EDEM2: variants seen among roughly 807,000 people sequenced by gnomAD.
The protein encoded by EDEM2 is ER degradation-enhancing alpha-mannosidase-like protein 2.
EDEM2 carries 39 observed loss-of-function variants against 64.8 expected under a neutral mutation model. That is an observed-to-expected ratio of 0.60 (90% CI 0.47 to 0.79). EDEM2 has a LOEUF of 0.79. Among genes scored for constraint, EDEM2 ranks in the 30% least tolerant of loss-of-function variants. The pLI is 0.00. For synonymous variants in EDEM2, 296 were observed against 291.5 expected, an observed-to-expected ratio of 1.02 and a Z score of -0.16; for missense variants, 609 against 731.3, an observed-to-expected ratio of 0.83 and a Z score of 1.93.
chr20:35,136,754 GAAAAAAA>G, intron 5 of EDEM2, among the ~76,000 whole-genome samples: 1 of 102,224 alleles, frequency 9.8e-6, no homozygotes, highest in South Asian at 3.4e-4. Context: ...GACCCTGTCT[GAAAAAAA>G]AAAAAAAAAA....
intron 8 of EDEM2, among the ~76,000 whole-genome samples, chr20:35,125,895 C>T (rs1035189552): frequency 1.8e-4 from 27 of 152,286 alleles, no homozygotes; most frequent in East Asian, 1.2e-3. Flanking sequence ...GATGGCACAG[C>T]GGCACAAGCT....
chr20:35,140,009 C>T (rs865800087), intron 4 of EDEM2, among the ~76,000 whole-genome samples: 1 of 152,074 alleles, frequency 6.6e-6, no homozygotes, highest in South Asian at 2.1e-4. Flanking sequence ...TAACCATCAA[C>T]CTAGAACCAT....
intron 5 of EDEM2, among the ~76,000 whole-genome samples, chr20:35,135,610 C>G (rs891248159): frequency 2.0e-5 from 3 of 152,196 alleles, no homozygotes; most frequent in Non-Finnish European, 1.5e-5. Flanking sequence ...GAGATTGCAC[C>G]ACTGCACTCC....
intron 6 of EDEM2, among the ~76,000 whole-genome samples, chr20:35,134,530 G>A (rs1716894920): frequency 6.6e-6 from 1 of 152,208 alleles, no homozygotes; most frequent in South Asian, 2.1e-4. Context: ...AGCCCCTGCT[G>A]CCTGCCAGAA....
intron 9 of EDEM2, 146 bp from the exon 10 acceptor site, chr20:35,118,865 G>C: frequency 5.9e-6 from 7 of 1,196,236 alleles, no homozygotes; most frequent in Non-Finnish European, 8.0e-6. Flanking sequence ...ACCCAGTGCT[G>C]AGTTTCAGAG....
At chr20:35,147,101 C>G (rs770383086) in intron 1 of EDEM2, 51 bp downstream of exon 1, 2 of 1,574,222 alleles carry the variant, frequency 1.3e-6, no homozygotes, top group African/African-American at 2.7e-5. Flanking sequence ...GGGAAAGGAC[C>G]GGGTTCACGC....
At chr20:35,130,097 C>T (rs1206824928) in intron 7 of EDEM2, among the ~76,000 whole-genome samples, 5 of 152,106 alleles carry the variant, frequency 3.3e-5, no homozygotes, top group African/African-American at 7.2e-5. Flanking sequence ...GAGACAGGGT[C>T]TTACTCTGTC....
chr20:35,120,708 C>T (rs1011820036), intron 9 of EDEM2, among the ~76,000 whole-genome samples: 1 of 151,206 alleles, frequency 6.6e-6, no homozygotes, highest in Non-Finnish European at 1.5e-5. Flanking sequence ...AGCAATTCTC[C>T]TGTCTCAGCC....
chr20:35,139,446 C>T (rs1436511216), intron 4 of EDEM2, among the ~76,000 whole-genome samples: 2 of 150,018 alleles, frequency 1.3e-5, no homozygotes, highest in African/African-American at 4.9e-5. Context: ...CTCAGGAGTT[C>T]GTGACCAGCC....
intron 9 of EDEM2, among the ~76,000 whole-genome samples, chr20:35,119,048 C>T (rs562327384): frequency 3.5e-4 from 53 of 149,720 alleles, no homozygotes; most frequent in African/African-American, 1.2e-3. Context: ...GGATTCCTAA[C>T]TTTAGCTAAG....
intron 10 of EDEM2, among the ~76,000 whole-genome samples, chr20:35,116,852 T>C (rs1009194475): frequency 6.6e-6 from 1 of 151,948 alleles, no homozygotes; most frequent in African/African-American, 2.4e-5. Flanking sequence ...TGCAATGGCA[T>C]GGTCTCGGCT....
At chr20:35,139,349 CA>C (rs57683623) in intron 4 of EDEM2, among the ~76,000 whole-genome samples, 12,072 of 89,228 alleles carry the variant, frequency 0.14, 552 homozygotes, top group South Asian at 0.18. Flanking sequence ...GACTCCGTCT[CA>C]AAAAAAAAAA....
Position 35,134,890 on chromosome 20 carries a change from G to T in EDEM2, c.550C>A (p.Pro184Thr), listed in dbSNP as rs775586607. 1.2e-5 allele frequency: 20 copies of T among 1,614,136 alleles called. No individual in the cohort carries two copies. The South Asian group carries it at 1.8e-4, about 14-fold the overall frequency. ...GTACAGGTGACAGGGGTCTCTCCTG[G>T]GTTCACGCCATGAAGTAAGTTCACT... Reference protein sequence around the residue: ...GTVNLLHGVNPGETPVTCTAG... With the variant: ...GTVNLLHGVNTGETPVTCTAG... Residue 184 changes from proline (P) to threonine (T), a missense_variant, in exon 6 of 11, where the codon CCA becomes ACA. Transcript: ENST00000374492.
chr20:35,126,467 A>G lies in EDEM2; in HGVS notation c.845-92T>C, dbSNP rs930686538. The G allele has an allele frequency of 4.1e-6, 6 of 1,478,676 alleles. No individual in the cohort carries two copies. In the African/African-American group the frequency reaches 4.2e-5, roughly 10 times the overall value. 91.6% of individuals were successfully genotyped at this position (1,478,676 alleles called of 1,614,324 possible). On this transcript the variant is annotated intron_variant, in intron 7 of 10. Coordinates refer to ENST00000374492, the MANE Select transcript of EDEM2 (RefSeq NM_018217.3). ...GCGGAAGCGAGAACTTACACTTTGG[A>G]AAGAGCACCAGGATGCAATGAGGCA...
At chr20:35,126,661 C>A (rs2085437390) in intron 7 of EDEM2, among the ~76,000 whole-genome samples, 1 of 152,112 alleles carries the variant, frequency 6.6e-6, no homozygotes, top group Admixed American at 6.6e-5. Context: ...ATCTATAATC[C>A]CAGCACTTTG....
At chr20:35,145,756 C>T (rs2085720882) in intron 2 of EDEM2, among the ~76,000 whole-genome samples, 1 of 151,930 alleles carries the variant, frequency 6.6e-6, no homozygotes, top group Non-Finnish European at 1.5e-5. Flanking sequence ...GCCTGTAATC[C>T]GCCAGCACTT....
chr20:35,118,824 G>C (rs2085337817), intron 9 of EDEM2, 105 bp from the exon 10 acceptor site: 1 of 1,496,956 alleles, frequency 6.7e-7, no homozygotes, highest in African/African-American at 1.4e-5. Context: ...TTGTCCATAA[G>C]GCCCCAACTA....
At chr20:35,133,461 C>T (rs1011240182) in intron 6 of EDEM2, among the ~76,000 whole-genome samples, 11 of 149,074 alleles carry the variant, frequency 7.4e-5, no homozygotes, top group South Asian at 2.1e-4. Flanking sequence ...AGGTCTCCAG[C>T]GGGGCACCTT....
chr20:35,119,500 G>A (rs2085344854), intron 9 of EDEM2, among the ~76,000 whole-genome samples: 1 of 152,114 alleles, frequency 6.6e-6, no homozygotes, highest in Non-Finnish European at 1.5e-5. Context: ...GGCTGAGGTA[G>A]GAGGATCACT....
Sources: gnomAD v4.1 joint callset for allele counts (sites outside exome capture counted in the v4.1 genomes callset) on GRCh38, gnomAD v4.1.1 for gene constraint, MANE v1.5 for transcripts, NCBI Gene and HGNC (gene_info 2026-07-23, HGNC 2026-07-21) for gene names.